Variants in TEX9 observed in about 807,000 individuals in gnomAD.
TEX9 encodes testis-expressed protein 9.
TEX9 carries 74 observed loss-of-function variants against 59.6 expected under a neutral mutation model. The observed-to-expected ratio is 1.24, with a 90% CI of 1.03 to 1.51. TEX9 has a LOEUF of 1.51. TEX9 is among the 40% of genes most tolerant of loss of function. The pLI is 0.00. For missense variants in TEX9, 522 were observed against 447.8 expected (o/e 1.17, Z -1.49); for synonymous variants, 186 against 152.2 (o/e 1.22, Z -1.64).
At chr15:56,334,059 A>G (rs1005669114) in intron 1 of TEX9, among the ~76,000 whole-genome samples, 16 of 152,206 alleles carry the variant, frequency 1.1e-4, no homozygotes, top group Admixed American at 2.6e-4. Context: ...AATTGAAAGA[A>G]TCAATATTGT....
chr15:56,262,580 G>T (rs1300008874), intron 1 of TEX9, among the ~76,000 whole-genome samples: 1 of 152,164 alleles, frequency 6.6e-6, no homozygotes, highest in Non-Finnish European at 1.5e-5. Context: ...TTTTACAGTG[G>T]TTAGGTGTAG....
At chr15:56,400,151 G>T (rs2048696297) in intron 9 of TEX9, among the ~76,000 whole-genome samples, 1 of 152,202 alleles carries the variant, frequency 6.6e-6, no homozygotes. Flanking sequence ...GTTGACAGAA[G>T]TAGGCTTCAG....
At chr15:56,322,163 G>A (rs1283265032) in intron 1 of TEX9, among the ~76,000 whole-genome samples, 6 of 152,082 alleles carry the variant, frequency 3.9e-5, no homozygotes, top group Non-Finnish European at 5.9e-5. Flanking sequence ...GAGTGGAAAT[G>A]AGCTTCAGGT....
At chr15:56,433,857 CT>C (rs2050667253) in intron 12 of TEX9, among the ~76,000 whole-genome samples, 1 of 152,056 alleles carries the variant, frequency 6.6e-6, no homozygotes, top group African/African-American at 2.4e-5. Context: ...TTTATAATTA[CT>C]TTTTATATAT....
downstream of TEX9, among the ~76,000 whole-genome samples, chr15:56,450,216 T>C (rs1433421735): frequency 1.3e-5 from 2 of 152,198 alleles, no homozygotes. Context: ...TGCCACAAGT[T>C]GGTTTCTTTT....
intron 10 of TEX9, among the ~76,000 whole-genome samples, chr15:56,421,946 T>A (rs1034196970): frequency 3.3e-5 from 5 of 151,566 alleles, no homozygotes; most frequent in Non-Finnish European, 1.5e-5. Context: ...TGTGTCTTTA[T>A]AGCAGCATGA....
intron 1 of TEX9, among the ~76,000 whole-genome samples, chr15:56,278,187 G>A (rs2044724404): frequency 6.6e-6 from 1 of 151,902 alleles, no homozygotes; most frequent in Non-Finnish European, 1.5e-5. Flanking sequence ...AATATCTATA[G>A]CATTTGTGGG....
At position 56,359,050 on chromosome 15, in the gene TEX9, C is replaced by T. The variant is rs562798365; in HGVS notation, c.-106-14391C>T. Among the ~76,000 whole-genome samples, 188 of 152,208 alleles carry T rather than the reference C, an allele frequency of 1.2e-3. 1 individual carries two copies. Among genetic ancestry groups the T allele is most frequent in the African/African-American group, 4.4e-3 (182 of 41,520 alleles). ...TTTTTTATAGCAGTGTGAGAACAGA[C>T]TAATATAATCACTTTACAAAGCTGT... On this transcript the variant is annotated intron_variant, in intron 1 of 5. Transcript: ENST00000560827.
intron 1 of TEX9, among the ~76,000 whole-genome samples, chr15:56,318,038 T>G (rs2725848): frequency 0.96 from 146,227 of 152,172 alleles, 70,510 homozygotes; most frequent in East Asian, 1. Context: ...CTTTCTTGTT[T>G]ATAGTCTATT....
At chr15:56,366,583 C>T (rs1212868822) in intron 2 of TEX9, among the ~76,000 whole-genome samples, 1 of 152,136 alleles carries the variant, frequency 6.6e-6, no homozygotes, top group Non-Finnish European at 1.5e-5. Context: ...TTGTGAATTT[C>T]CTTTTTGTCT....
At chr15:56,342,256 T>G (rs2046386033) in intron 1 of TEX9, among the ~76,000 whole-genome samples, 1 of 152,122 alleles carries the variant, frequency 6.6e-6, no homozygotes, top group Non-Finnish European at 1.5e-5. Flanking sequence ...CACAATAAGC[T>G]TTTGAGGTAG....
intron 1 of TEX9, among the ~76,000 whole-genome samples, chr15:56,308,272 G>C (rs2045528214): frequency 6.6e-6 from 1 of 152,048 alleles, no homozygotes; most frequent in Non-Finnish European, 1.5e-5. Context: ...AATCCTACTG[G>C]GTGTGAAATG....
intron 1 of TEX9, among the ~76,000 whole-genome samples, chr15:56,355,059 A>T (rs2046659409): frequency 6.6e-6 from 1 of 152,296 alleles, no homozygotes; most frequent in South Asian, 2.1e-4. Context: ...CATGCCCATG[A>T]TCAATATATA....
chr15:56,266,391 A>G (rs1334731998), intron 1 of TEX9, among the ~76,000 whole-genome samples: 1 of 151,334 alleles, frequency 6.6e-6, no homozygotes, highest in Non-Finnish European at 1.5e-5. Flanking sequence ...TTTCTTACAT[A>G]TGTATACATG....
the TEX9 span, among the ~76,000 whole-genome samples, chr15:56,453,458 T>C: frequency 6.6e-6 from 1 of 152,152 alleles, no homozygotes; most frequent in Non-Finnish European, 1.5e-5. Context: ...TGATTATCAG[T>C]CCAGAACATA....
At position 56,273,097 on chromosome 15, in the gene TEX9, G is replaced by T. The variant is rs1344651759; in HGVS notation, c.-107+28819G>T. Among the ~76,000 whole-genome samples the T allele has an allele frequency of 3.9e-5, 6 of 151,966 alleles. No individual in the cohort carries two copies. In the East Asian group the frequency reaches 1.2e-3, roughly 29 times the overall value. On this transcript the variant is annotated intron_variant, in intron 1 of 5. Transcript: ENST00000560827. ...GCCTCCTGAGTAACTGGGACTACAGGCATGTGCCACCACACCCGGCTAATT... is the reference window on the plus strand; with the variant it reads ...GCCTCCTGAGTAACTGGGACTACAGTCATGTGCCACCACACCCGGCTAATT...
intron 3 of TEX9, among the ~76,000 whole-genome samples, chr15:56,382,819 C>G (rs2047791244): frequency 6.6e-6 from 1 of 152,184 alleles, no homozygotes; most frequent in South Asian, 2.1e-4. Flanking sequence ...TTGCTGTGAA[C>G]TGCACTGCCT....
At chr15:56,325,967 C>A (rs1453288418) in intron 1 of TEX9, among the ~76,000 whole-genome samples, 2 of 152,116 alleles carry the variant, frequency 1.3e-5, no homozygotes, top group African/African-American at 4.8e-5. Context: ...CATACGGTCC[C>A]CAATTATTTA....
intron 1 of TEX9, among the ~76,000 whole-genome samples, chr15:56,258,796 G>T (rs1370169760): frequency 6.6e-6 from 1 of 151,264 alleles, no homozygotes; most frequent in Admixed American, 6.6e-5. Context: ...GCTTGCTCAA[G>T]TTTTTGCTCA....
Sources: allele counts gnomAD v4.1 joint callset (sites outside exome capture counted in the v4.1 genomes callset), GRCh38; gene constraint gnomAD v4.1.1; transcripts MANE v1.5; gene names NCBI Gene and HGNC (gene_info 2026-07-23, HGNC 2026-07-21).